The following TYK2 variants were observed in gnomAD, a reference collection of about 807,000 sequenced individuals.
TYK2 encodes the protein tyrosine kinase 2, also known as non-receptor tyrosine-protein kinase TYK2.
A neutral mutation model predicts 130.9 loss-of-function variants in TYK2; 65 were observed. That is an observed-to-expected ratio of 0.50 (90% CI 0.41 to 0.61). The LOEUF (loss-of-function observed/expected upper bound fraction) is 0.61. Ranked by LOEUF, TYK2 falls within the 20% of genes least tolerant of loss-of-function variation. TYK2 has a pLI of 0.00. For missense variants in TYK2, 1,378 were observed against 1,610.7 expected (o/e 0.86, Z 2.47); for synonymous variants, 647 against 658.9 (o/e 0.98, Z 0.28).
At position 10,365,100 on chromosome 19, in the gene TYK2, AC is replaced by A. The variant is rs755235751; in HGVS notation, c.1012-53del. 4.6e-6 allele frequency: 7 copies of A among 1,516,336 alleles called. No individual in the cohort carries two copies. The South Asian group carries it at 8.9e-5, about 19-fold the overall frequency. The allele number at this position is 1,516,336 out of a possible 1,614,324, so 93.9% of individuals were successfully genotyped here. A position where few individuals can be genotyped will look rare whatever the true frequency, so the allele number is the denominator to read the frequency against. On this transcript the variant is annotated intron_variant, in intron 7 of 24. Coordinates refer to ENST00000525621, the MANE Select transcript of TYK2 (RefSeq NM_003331.5). Reference sequence around the variant, plus strand: ...GATGGAGAGGGCAATGCCCGTTTATACCTCCTGCACTTTCCCCTGGGGAGAG... The same window carrying A: ...GATGGAGAGGGCAATGCCCGTTTATACTCCTGCACTTTCCCCTGGGGAGAG...
chr19:10,372,030 G>A (rs1358106292), intron 3 of TYK2, among the ~76,000 whole-genome samples: 3 of 151,524 alleles, frequency 2.0e-5, no homozygotes, highest in Non-Finnish European at 2.9e-5. Context: ...TCGATCTGTC[G>A]CCCAGGCTGG....
chr19:10,373,106 G>A (rs1258830210), intron 3 of TYK2, among the ~76,000 whole-genome samples: 5 of 149,994 alleles, frequency 3.3e-5, no homozygotes, highest in Admixed American at 2.0e-4. Context: ...GCGTGATCTC[G>A]GCTCACTGTA....
chr19:10,355,921 C>T (rs1309328712), intron 18 of TYK2, among the ~76,000 whole-genome samples: 2 of 151,754 alleles, frequency 1.3e-5, no homozygotes, highest in Non-Finnish European at 2.9e-5. Context: ...AAGATTGCAC[C>T]ACTGCACTCC....
At chr19:10,375,730 C>G (rs1487640235) in intron 3 of TYK2, among the ~76,000 whole-genome samples, 6 of 148,032 alleles carry the variant, frequency 4.1e-5, no homozygotes, top group Non-Finnish European at 8.9e-5. Context: ...TCCTGGCTAA[C>G]ACGGTGAAAC....
chr19:10,357,029 G>A (rs1228956673), intron 17 of TYK2: 7 of 465,210 alleles, frequency 1.5e-5, no homozygotes, highest in Non-Finnish European at 2.8e-5. Flanking sequence ...CTTTGCACAG[G>A]CCATGCACTC....
chr19:10,361,819 A>G lies in TYK2; in HGVS notation c.1910T>C (p.Leu637Pro). Residue 637 changes from leucine to proline, a missense_variant, in exon 13 of 25, where the codon CTA becomes CCA. Coordinates refer to ENST00000525621, the MANE Select transcript of TYK2 (RefSeq NM_003331.5). The surrounding 1 kb of genome is among the most constrained non-coding windows in gnomAD (Gnocchi z 4.0). ...GTCCAGCACTTTGAGCACCACTCGT[A>G]GCTCCTGCCCACGGTCCCTGCCAGG... is the stretch of plus-strand genomic sequence containing the variant. ...LVPGRDRGQE[L>P]RVVLKVLDPS... is the part of the protein sequence containing the mutation. 6.2e-7 allele frequency: 1 copy of G among 1,613,834 alleles called. No homozygotes were observed. The highest frequency in any genetic ancestry group is 8.5e-7 in the Non-Finnish European group (1 of 1,179,948).
rs1421090119 is a variant in TYK2 at position 10,380,560 on chromosome 19, G to T, written c.-366C>A. Reference sequence around the variant, plus strand: ...CCCGGACCCCTCCCCGCTCCCGCGGGTAGCTACTGCTTGTCCCCCGCCGAG... The same window carrying T: ...CCCGGACCCCTCCCCGCTCCCGCGGTTAGCTACTGCTTGTCCCCCGCCGAG... On this transcript the variant is annotated 5_prime_UTR_variant, in exon 1 of 25. Coordinates refer to ENST00000525621, the MANE Select transcript of TYK2 (RefSeq NM_003331.5). 1.3e-5 allele frequency: 2 copies of T among 152,442 alleles called. No homozygotes were observed. Among genetic ancestry groups the T allele is most frequent in the African/African-American group, 4.8e-5 (2 of 41,456 alleles). The allele number at this position is 152,442 out of a possible 1,614,324, so 9.4% of individuals were successfully genotyped here. A position where few individuals can be genotyped will look rare whatever the true frequency, so the allele number is the denominator to read the frequency against.
In TYK2 at chr19:10,353,620, C is replaced by T. The variant is rs531721749; in HGVS notation, c.2935G>A (p.Glu979Lys). The change falls in exon 21 of 25, where the codon GAG becomes AAG. Residue 979 changes from glutamate (E) to lysine (K), a missense_variant. Coordinates refer to ENST00000525621, the MANE Select transcript of TYK2 (RefSeq NM_003331.5). The surrounding 1 kb of genome is among the most constrained non-coding windows in gnomAD (Gnocchi z 6.9). Reference protein sequence around the residue: ...QGEKSLQLVMEYVPLGSLRDY... With the variant: ...QGEKSLQLVMKYVPLGSLRDY... Reference sequence around the variant, plus strand: ...CGGAGGCTGCCCAGGGGCACGTACTCCATGACCAGCTGCAGCGACTTCTCG... The same window carrying T: ...CGGAGGCTGCCCAGGGGCACGTACTTCATGACCAGCTGCAGCGACTTCTCG... 1.2e-5 allele frequency: 17 copies of T among 1,476,934 alleles called. No individual in the cohort carries two copies. The South Asian group carries it at 1.9e-4, about 17-fold the overall frequency. The allele number at this position is 1,476,934 out of a possible 1,614,324, so 91.5% of individuals were successfully genotyped here. A position where few individuals can be genotyped will look rare whatever the true frequency, so the allele number is the denominator to read the frequency against.
Position 10,362,148 on chromosome 19 carries a change from C to T in TYK2, c.1703G>A (p.Arg568Gln), listed in dbSNP as rs369300627. ...TSNLIIMRGA[R>Q]ASPRTLNLSQ... ...GAGGTTGAGTGTCCTGGGGCTGGCC[C>T]GAGCCCCCCGCATGATGATGAGATT... Residue 568 changes from arginine to glutamine, a missense_variant, in exon 12 of 25, where the codon CGG becomes CAG. Physicochemically the swap from Arg to Gln is conservative, Grantham distance 43. Coordinates refer to ENST00000525621, the MANE Select transcript of TYK2 (RefSeq NM_003331.5). 2.5e-5 allele frequency: 40 copies of T among 1,613,862 alleles called. No individual in the cohort carries two copies. The highest frequency in any genetic ancestry group is 8.0e-5 in the African/African-American group (6 of 74,900).
chr19:10,362,670 C>A lies in TYK2; in HGVS notation c.1368-13G>T. The A allele has an allele frequency of 1.3e-6, 2 of 1,550,654 alleles. No individual in the cohort carries two copies. The highest frequency in any genetic ancestry group is 2.4e-5 in the South Asian group (2 of 84,000). On this transcript the variant is annotated splice_polypyrimidine_tract_variant and intron_variant, in intron 9 of 24. Coordinates refer to ENST00000525621, the MANE Select transcript of TYK2 (RefSeq NM_003331.5). Reference sequence around the variant, plus strand: ...CACAAATGGCTCCCTGGAAGGTGGTCCAGGGGGACTATCAGGCCACCTGGG... The same window carrying A: ...CACAAATGGCTCCCTGGAAGGTGGTACAGGGGGACTATCAGGCCACCTGGG...
chr19:10,358,849 G>T (rs1012104734), intron 15 of TYK2, among the ~76,000 whole-genome samples: 34 of 152,084 alleles, frequency 2.2e-4, no homozygotes, highest in Non-Finnish European at 4.1e-4. Context: ...TGGATCACGA[G>T]GTCAGAAGTT....
intron 17 of TYK2, 31 bp downstream of exon 17, chr19:10,357,733 C>T (rs867135705): frequency 1.0e-5 from 16 of 1,577,856 alleles, no homozygotes; most frequent in Middle Eastern, 1.7e-4. Context: ...GCCCCCACTG[C>T]GGGGAGGGCC....
intron 3 of TYK2, among the ~76,000 whole-genome samples, chr19:10,370,576 C>T (rs921554654): frequency 2.0e-5 from 3 of 149,458 alleles, no homozygotes; most frequent in Non-Finnish European, 3.0e-5. Context: ...CCAGCACTTT[C>T]GGAAGCTGAG....
rs1357044386 is a variant in TYK2 at position 10,353,529 on chromosome 19, T to C, written c.3026A>G (p.Glu1009Gly). 2 of 1,499,748 alleles carry C rather than the reference T, an allele frequency of 1.3e-6. No homozygotes were observed. The highest frequency in any genetic ancestry group is 1.8e-6 in the Non-Finnish European group (2 of 1,121,100). The allele number at this position is 1,499,748 out of a possible 1,614,324, so 92.9% of individuals were successfully genotyped here. The change falls in exon 21 of 25, where the codon GAG becomes GGG. Residue 1009 changes from glutamate (E) to glycine (G), a missense_variant and splice_region_variant. Coordinates refer to ENST00000525621, the MANE Select transcript of TYK2 (RefSeq NM_003331.5). This position sits in a 1 kb window ranked among gnomAD's most constrained non-coding sequence, Gnocchi z 6.9. ...GAAGCAGGGGCGGGGCCGACCAACC[T>C]CGCAGATCTGCTGGGCGAAGAGCAG... ...QLLLFAQQIC[E>G]GMAYLHAQHY... is the part of the protein sequence containing the mutation.
intron 22 of TYK2, 106 bp downstream of exon 22, chr19:10,352,820 G>T: frequency 7.1e-7 from 1 of 1,407,842 alleles, no homozygotes; most frequent in Admixed American, 2.1e-5. Flanking sequence ...GCCCCGCCGC[G>T]CTTCACTGGG....
At chr19:10,367,692 G>A (rs559394640) in intron 5 of TYK2, among the ~76,000 whole-genome samples, 13 of 151,500 alleles carry the variant, frequency 8.6e-5, no homozygotes, top group East Asian at 5.8e-4. Context: ...AGGCCGAGGC[G>A]GGCAGATCAC....
intron 14 of TYK2, among the ~76,000 whole-genome samples, chr19:10,359,969 T>C (rs2145201405): frequency 6.8e-6 from 1 of 147,866 alleles, no homozygotes; most frequent in South Asian, 2.1e-4. Flanking sequence ...CGAGATCACG[T>C]CATTGCACTC....
intron 3 of TYK2, among the ~76,000 whole-genome samples, chr19:10,373,186 G>A (rs909183045): frequency 4.0e-5 from 6 of 150,778 alleles, no homozygotes; most frequent in Admixed American, 6.6e-5. Flanking sequence ...ACAGGCGCCC[G>A]CCACCACGCC....
chr19:10,364,550 T>C lies in TYK2; in HGVS notation c.1367+64A>G. ...CTACACACACACCCTGCACAGCCCC[T>C]AGGGCTCACAGTCTAGTTGGCACCC... On this transcript the variant is annotated intron_variant, in intron 9 of 24. Coordinates refer to ENST00000525621, the MANE Select transcript of TYK2 (RefSeq NM_003331.5). The surrounding 1 kb of genome is among the most constrained non-coding windows in gnomAD (Gnocchi z 4.9). 6.3e-7 allele frequency: 1 copy of C among 1,580,206 alleles called. No individual in the cohort carries two copies. Among genetic ancestry groups the C allele is most frequent in the Non-Finnish European group, 8.7e-7 (1 of 1,152,470 alleles).
Sources: gnomAD v4.1 joint callset for allele counts (sites outside exome capture counted in the v4.1 genomes callset) on GRCh38, gnomAD v4.1.1 for gene constraint, Gnocchi (gnomAD v3.1) non-coding constraint, MANE v1.5 for transcripts, NCBI Gene and HGNC (gene_info 2026-07-23, HGNC 2026-07-21) for gene names.